Variants in RYR3 observed in about 807,000 individuals in gnomAD.
RYR3 encodes the protein brain ryanodine receptor-calcium release channel.
A neutral mutation model predicts 584.3 loss-of-function variants in RYR3; 207 were observed. That is an observed-to-expected ratio of 0.35 (90% CI 0.32 to 0.40). The LOEUF (loss-of-function observed/expected upper bound fraction) is 0.40. RYR3 is among the 10% of genes least tolerant of loss of function. RYR3 has a pLI of 1.00. For synonymous variants in RYR3, 2,416 were observed against 2,248.5 expected (o/e 1.07, Z -2.11); for missense variants, 5,616 against 6,089.2 (o/e 0.92, Z 2.59).
chr15:33,742,627 A>C (rs1419093449), intron 52 of RYR3, among the ~76,000 whole-genome samples, 183 bp downstream of exon 52: 3 of 152,334 alleles, frequency 2.0e-5, no homozygotes, highest in African/African-American at 7.2e-5. Context: ...AGGTGACAGC[A>C]GCTGCTGGTG....
intron 64 of RYR3, among the ~76,000 whole-genome samples, chr15:33,774,026 A>G (rs538967441): frequency 6.6e-6 from 1 of 152,360 alleles, no homozygotes; most frequent in East Asian, 1.9e-4. Flanking sequence ...TCTGTGTGCT[A>G]CAACCCTGGA....
rs914700293 is a variant in RYR3 at position 33,757,390 on chromosome 15, C to G, written c.8584-85C>G. On this transcript the variant is annotated intron_variant, in intron 59 of 103. Coordinates refer to ENST00000634891, the MANE Select transcript of RYR3 (RefSeq NM_001036.6). ...AGGACCAGGGTTCAGAGGCTTTTTG[C>G]TCACTGAAAATAAACACTTTTAAAT... 4 of 1,421,360 alleles carry G rather than the reference C, an allele frequency of 2.8e-6. No individual in the cohort carries two copies. The African/African-American group carries it at 5.7e-5, about 20-fold the overall frequency. The allele number at this position is 1,421,360 out of a possible 1,614,324, so 88.0% of individuals were successfully genotyped here. A position where few individuals can be genotyped will look rare whatever the true frequency, so the allele number is the denominator to read the frequency against.
intron 60 of RYR3, among the ~76,000 whole-genome samples, chr15:33,760,066 C>T: frequency 6.6e-6 from 1 of 152,168 alleles, no homozygotes; most frequent in South Asian, 2.1e-4. Context: ...AAATAAAATC[C>T]TTTACAGACA....
intron 28 of RYR3, 127 bp downstream of exon 28, chr15:33,644,646 C>T (rs1478024348): frequency 9.3e-5 from 62 of 667,668 alleles, no homozygotes; most frequent in Non-Finnish European, 7.9e-6. Context: ...CCAGCCACCT[C>T]CCCTCTGGCC....
At chr15:33,481,707 C>G (rs2049983450) in intron 2 of RYR3, among the ~76,000 whole-genome samples, 1 of 151,780 alleles carries the variant, frequency 6.6e-6, no homozygotes, top group East Asian at 1.9e-4. Context: ...GTCTGGAACT[C>G]CTGACCTCAG....
At chr15:33,676,432 G>A (rs2064182724) in intron 38 of RYR3, among the ~76,000 whole-genome samples, 1 of 152,174 alleles carries the variant, frequency 6.6e-6, no homozygotes, top group Non-Finnish European at 1.5e-5. Flanking sequence ...AGAAAAGGTG[G>A]TGACAACAAA....
chr15:33,864,295 C>G, intron 103 of RYR3, 106 bp downstream of exon 103: 1 of 830,550 alleles, frequency 1.2e-6, no homozygotes, highest in Non-Finnish European at 1.9e-6. Context: ...CCATTAATCC[C>G]GTGAATGCAT....
In RYR3 at chr15:33,543,682, T is replaced by A; in HGVS notation, c.707T>A (p.Ile236Lys). 1 of 1,612,792 alleles carries A rather than the reference T, an allele frequency of 6.2e-7. No homozygotes were observed. ...LFHGHDECLT[I>K]PSTDQNDSQH... Reference sequence around the variant, plus strand: ...CATGGTCATGATGAATGTTTGACGATACCATCTACAGACCAGAATGATTCC... The same window carrying A: ...CATGGTCATGATGAATGTTTGACGAAACCATCTACAGACCAGAATGATTCC... The change falls in exon 8 of 104, where the codon ATA becomes AAA. Residue 236 changes from isoleucine (I) to lysine (K), a missense_variant. Ile to Lys is a moderately radical substitution (Grantham distance 102). Transcript: ENST00000634891.
Position 33,794,034 on chromosome 15 carries a change from A to G in RYR3, c.9830+5576A>G, listed in dbSNP as rs531420796. Among the ~76,000 whole-genome samples the G allele has an allele frequency of 9.9e-3, 805 of 81,616 alleles. 4 individuals carry two copies. Among genetic ancestry groups the G allele is most frequent in the South Asian group, 0.039 (66 of 1,672 alleles). The allele number at this position is 81,616 out of a possible 152,430, so 53.5% of individuals were successfully genotyped here. On this transcript the variant is annotated intron_variant, in intron 67 of 103. Coordinates refer to ENST00000634891, the MANE Select transcript of RYR3 (RefSeq NM_001036.6). ...AAATATATATTATATATAAATATAT[A>G]CATAAATACATATATATAAATATAT...
At chr15:33,457,460 G>A (rs543373991) in intron 1 of RYR3, among the ~76,000 whole-genome samples, 15 of 152,166 alleles carry the variant, frequency 9.9e-5, no homozygotes, top group Non-Finnish European at 2.1e-4. Context: ...GAGCCTGAAG[G>A]ACATTATGTT....
intron 1 of RYR3, among the ~76,000 whole-genome samples, chr15:33,397,329 A>G (rs1349020351): frequency 6.6e-6 from 1 of 152,228 alleles, no homozygotes; most frequent in East Asian, 1.9e-4. Context: ...ATACGGACAC[A>G]AGCATATTAA....
chr15:33,604,057 C>T (rs1214027722), intron 18 of RYR3, among the ~76,000 whole-genome samples: 3 of 152,228 alleles, frequency 2.0e-5, no homozygotes, highest in African/African-American at 7.2e-5. Context: ...CTCAGGCTTT[C>T]ATCAAGAAGA....
At chr15:33,445,370 G>C (rs1934248894) in intron 1 of RYR3, among the ~76,000 whole-genome samples, 1 of 152,148 alleles carries the variant, frequency 6.6e-6, no homozygotes, top group African/African-American at 2.4e-5. Flanking sequence ...GCGAATGCTG[G>C]TATTTTCAGA....
intron 2 of RYR3, among the ~76,000 whole-genome samples, chr15:33,498,935 CT>C (rs2051697680): frequency 6.6e-6 from 1 of 152,102 alleles, no homozygotes; most frequent in Non-Finnish European, 1.5e-5. Flanking sequence ...AGAGACTGTT[CT>C]TTCCCCAGGG....
chr15:33,427,518 T>C (rs2044748326), intron 1 of RYR3, among the ~76,000 whole-genome samples: 1 of 152,238 alleles, frequency 6.6e-6, no homozygotes. Context: ...ATGTTATGGG[T>C]ATTCTCTTCA....
chr15:33,678,595 G>A (rs1390482294), intron 38 of RYR3, among the ~76,000 whole-genome samples: 1 of 152,232 alleles, frequency 6.6e-6, no homozygotes, highest in Non-Finnish European at 1.5e-5. Context: ...GAGGTAGGAT[G>A]TTCTAGAAGG....
intron 102 of RYR3, among the ~76,000 whole-genome samples, chr15:33,862,473 C>G (rs2088033552): frequency 6.6e-6 from 1 of 152,162 alleles, no homozygotes; most frequent in African/African-American, 2.4e-5. Flanking sequence ...TCCCAGAGTG[C>G]TGGGATTACG....
chr15:33,376,170 G>A (rs577159574), intron 1 of RYR3, among the ~76,000 whole-genome samples: 5 of 152,220 alleles, frequency 3.3e-5, no homozygotes, highest in African/African-American at 1.2e-4. Flanking sequence ...CTAATTTCTA[G>A]CACCATGGTT....
intron 1 of RYR3, among the ~76,000 whole-genome samples, chr15:33,426,121 A>T (rs2044638819): frequency 6.6e-6 from 1 of 152,232 alleles, no homozygotes; most frequent in South Asian, 2.1e-4. Context: ...GTGAGTCAGG[A>T]GAAAAGTTAC....
Sources: allele counts gnomAD v4.1 joint callset (sites outside exome capture counted in the v4.1 genomes callset), GRCh38; gene constraint gnomAD v4.1.1; transcripts MANE v1.5; gene names NCBI Gene and HGNC (gene_info 2026-07-23, HGNC 2026-07-21).